Variants in NMNAT2 observed in about 807,000 individuals in gnomAD.
The protein encoded by NMNAT2 is nicotinamide nucleotide adenylyltransferase 2.
A neutral mutation model predicts 41.6 loss-of-function variants in NMNAT2; 11 were observed. That is an observed-to-expected ratio of 0.26 (90% confidence interval 0.17 to 0.44). The LOEUF (loss-of-function observed/expected upper bound fraction) is 0.44, where lower values mean the gene tolerates loss of function less well. Ranked by LOEUF, NMNAT2 falls within the 20% of genes least tolerant of loss-of-function variation. The pLI is 1.00. For synonymous variants in NMNAT2, 148 were observed against 151.2 expected, an observed-to-expected ratio of 0.98 and a Z score of 0.16; for missense variants, 288 against 407.7, an observed-to-expected ratio of 0.71 and a Z score of 2.53.
At chr1:183,360,411 C>G (rs1012830967) in intron 1 of NMNAT2, among the ~76,000 whole-genome samples, 1 of 152,104 alleles carries the variant, frequency 6.6e-6, no homozygotes, top group African/African-American at 2.4e-5. Flanking sequence ...CTACTCACCT[C>G]TTCATCTTCC....
At position 183,262,307 on chromosome 1, in the gene NMNAT2, GAA is replaced by G. The variant is rs34544289; in HGVS notation, c.652-1006_652-1005del. ...ATGTAATGCAAGCTTAGAGAATCCA[GAA>G]AAAAAAAAAAAAGAAATCAATCACA... On this transcript the variant is annotated intron_variant, in intron 8 of 10. Coordinates refer to ENST00000287713, the MANE Select transcript of NMNAT2 (RefSeq NM_015039.4). Among the ~76,000 whole-genome samples, 490 of 143,698 alleles carry G rather than the reference GAA, an allele frequency of 3.4e-3. 2 individuals are homozygous for G. The highest frequency in any genetic ancestry group is 6.5e-3 in the African/African-American group (257 of 39,270). 94.3% of individuals were successfully genotyped at this position (143,698 alleles called of 152,430 possible).
chr1:183,355,114 C>T (rs1199089048), intron 1 of NMNAT2, among the ~76,000 whole-genome samples: 1 of 152,150 alleles, frequency 6.6e-6, no homozygotes, highest in South Asian at 2.1e-4. Flanking sequence ...ACTCCCCTTG[C>T]CCCTTTCTTC....
At chr1:183,401,973 G>A (rs958874873) in intron 1 of NMNAT2, among the ~76,000 whole-genome samples, 5 of 151,788 alleles carry the variant, frequency 3.3e-5, no homozygotes, top group African/African-American at 1.2e-4. Context: ...TAATGTAAAT[G>A]ACGAGTTAAT....
Position 183,261,024 on chromosome 1 carries a change from C to G in NMNAT2, c.799G>C (p.Val267Leu), listed in dbSNP as rs145729987. The change falls in exon 10 of 11, where the codon GTT becomes CTT. Residue 267 changes from valine (V) to leucine (L), a missense_variant. By Grantham distance (32) the Val-to-Leu change is conservative (BLOSUM62 1). Coordinates refer to ENST00000287713, the MANE Select transcript of NMNAT2 (RefSeq NM_015039.4). The part of the protein sequence containing the change: ...VKDDINHPMS[V>L]VSSTKSRLAL... ...TACCTGCTCTTGGTTGAGCTGACAACAGACATGGGATGGTTGATGTCATCC... is the reference window on the plus strand; with the variant it reads ...TACCTGCTCTTGGTTGAGCTGACAAGAGACATGGGATGGTTGATGTCATCC... 9.3e-6 allele frequency: 15 copies of G among 1,613,810 alleles called. No homozygotes were observed. In the African/African-American group the frequency reaches 2.0e-4, roughly 22 times the overall value.
At chr1:183,306,432 A>C (rs1161299859) in intron 1 of NMNAT2, among the ~76,000 whole-genome samples, 2 of 152,208 alleles carry the variant, frequency 1.3e-5, no homozygotes, top group African/African-American at 4.8e-5. Flanking sequence ...ATACGTTTCC[A>C]GTAATTTATT....
chr1:183,299,260 C>T (rs893605342), intron 1 of NMNAT2, among the ~76,000 whole-genome samples: 1 of 152,026 alleles, frequency 6.6e-6, no homozygotes, highest in Non-Finnish European at 1.5e-5. Context: ...CTTGTAATCC[C>T]AGCTACTTGG....
chr1:183,408,016 T>C (rs1649008835), intron 1 of NMNAT2, among the ~76,000 whole-genome samples: 1 of 152,210 alleles, frequency 6.6e-6, no homozygotes, highest in South Asian at 2.1e-4. Flanking sequence ...CCAGAAAAAT[T>C]ACAATTATGA....
chr1:183,252,712 C>A lies in NMNAT2; in HGVS notation c.853G>T (p.Val285Leu). The stretch of plus-strand genomic sequence containing the variant: ...ATGACCGGCTGGGACAGGTAATCCA[C>A]AACATGGCCGTCCCCATGCTGCAGG... ...LALQHGDGHV[V>L]DYLSQPVIDY... is the part of the protein sequence containing the mutation. The change falls in exon 11 of 11, where the codon GTG becomes TTG. Residue 285 changes from valine to leucine, a missense_variant. Coordinates refer to ENST00000287713, the MANE Select transcript of NMNAT2 (RefSeq NM_015039.4). 6.2e-7 allele frequency: 1 copy of A among 1,614,072 alleles called. No homozygotes were observed.
intron 1 of NMNAT2, among the ~76,000 whole-genome samples, chr1:183,320,345 G>A (rs1432932524): frequency 6.6e-6 from 1 of 152,224 alleles, no homozygotes; most frequent in African/African-American, 2.4e-5. Flanking sequence ...GCTCACGCCT[G>A]TAATCCCAGC....
chr1:183,304,748 C>T (rs200783787), intron 1 of NMNAT2: 361 of 1,613,800 alleles, frequency 2.2e-4, no homozygotes, highest in Non-Finnish European at 3.0e-4. Context: ...ATCTATTTGT[C>T]TGGTTTTTGC....
chr1:183,403,045 T>C (rs1437986993), intron 1 of NMNAT2, among the ~76,000 whole-genome samples: 4 of 151,974 alleles, frequency 2.6e-5, no homozygotes, highest in South Asian at 2.1e-4. Context: ...GCAATTGTCC[T>C]GCCTCAGCCT....
At chr1:183,282,908 TAA>T (rs1259078714) in intron 7 of NMNAT2, 6 of 152,246 alleles carry the variant, frequency 3.9e-5, no homozygotes, top group East Asian at 1.9e-4. Flanking sequence ...AATTTAATTT[TAA>T]GTTAATATAA....
intron 1 of NMNAT2, among the ~76,000 whole-genome samples, chr1:183,369,263 C>CTTTTTTTTTTTTTTTTTTT (rs55925461): frequency 7.1e-6 from 1 of 140,092 alleles, no homozygotes; most frequent in Non-Finnish European, 1.5e-5. Context: ...CTTTTCTTTT[C>CTTTTTTTTTTTTTTTTTTT]TTTTTTTTTT....
chr1:183,326,858 A>C (rs1197460627), intron 1 of NMNAT2, among the ~76,000 whole-genome samples: 1 of 152,040 alleles, frequency 6.6e-6, no homozygotes, highest in Admixed American at 6.6e-5. Context: ...TGAAACTTTG[A>C]CTCTGAGGGT....
At chr1:183,263,715 G>A (rs561169407) in intron 8 of NMNAT2, among the ~76,000 whole-genome samples, 6 of 152,178 alleles carry the variant, frequency 3.9e-5, no homozygotes, top group East Asian at 3.9e-4. Context: ...GGCTGAGGCC[G>A]GAGAATGGTG....
chr1:183,345,641 A>G (rs537378394), intron 1 of NMNAT2, among the ~76,000 whole-genome samples: 1 of 151,436 alleles, frequency 6.6e-6, no homozygotes, highest in Non-Finnish European at 1.5e-5. Flanking sequence ...CGGCCCCTCG[A>G]CCTGGGACTT....
At chr1:183,273,485 G>T (rs1661037456) in intron 8 of NMNAT2, among the ~76,000 whole-genome samples, 1 of 152,208 alleles carries the variant, frequency 6.6e-6, no homozygotes, top group Non-Finnish European at 1.5e-5. Flanking sequence ...CTCGCTTCCA[G>T]GAGTCTCATG....
chr1:183,298,232 A>AT, intron 1 of NMNAT2, among the ~76,000 whole-genome samples: 1 of 152,328 alleles, frequency 6.6e-6, no homozygotes, highest in Middle Eastern at 3.4e-3. Context: ...AGGCATACAG[A>AT]TAAAAAAAGG....
At chr1:183,312,508 C>T (rs79190357) in intron 1 of NMNAT2, among the ~76,000 whole-genome samples, 4,232 of 151,762 alleles carry the variant, frequency 0.028, 93 homozygotes, top group South Asian at 0.08. Context: ...ATTTGTTTTG[C>T]TCTCTGTATA....
Sources: gnomAD v4.1 joint callset for allele counts (sites outside exome capture counted in the v4.1 genomes callset) on GRCh38, gnomAD v4.1.1 for gene constraint, MANE v1.5 for transcripts, NCBI Gene and HGNC (gene_info 2026-07-23, HGNC 2026-07-21) for gene names.